The following PTPN13 variants were observed in gnomAD, a reference collection of about 807,000 sequenced individuals.
PTPN13 encodes tyrosine-protein phosphatase non-receptor type 13.
PTPN13 carries 191 observed loss-of-function variants against 284.0 expected under a neutral mutation model. The observed-to-expected ratio is 0.67, with a 90% CI of 0.60 to 0.76. PTPN13 has a LOEUF of 0.76. PTPN13 is among the 30% of genes least tolerant of loss of function. The pLI, the probability that PTPN13 is intolerant of heterozygous loss-of-function variation, is 0.00. For missense variants in PTPN13, 2,797 were observed against 2,939.9 expected (o/e 0.95, Z 1.12); for synonymous variants, 986 against 1,022.3 (o/e 0.96, Z 0.68).
At chr4:86,721,533 G>A (rs1680796592) in intron 9 of PTPN13, among the ~76,000 whole-genome samples, 1 of 152,116 alleles carries the variant, frequency 6.6e-6, no homozygotes, top group Non-Finnish European at 1.5e-5. Flanking sequence ...AGAACGGGGA[G>A]TAATGTCCAA....
chr4:86,733,157 A>G (rs1249752381), intron 12 of PTPN13, among the ~76,000 whole-genome samples: 1 of 152,080 alleles, frequency 6.6e-6, no homozygotes, highest in African/African-American at 2.4e-5. Flanking sequence ...CTACTATCCT[A>G]AAATCACAGT....
At chr4:86,805,575 A>T (rs1265530999) in intron 44 of PTPN13, among the ~76,000 whole-genome samples, 4 of 152,182 alleles carry the variant, frequency 2.6e-5, no homozygotes, top group African/African-American at 9.6e-5. Flanking sequence ...AGTTAGAGGA[A>T]CCTGAAATAT....
At chr4:86,640,992 G>A (rs1723720715) in intron 2 of PTPN13, among the ~76,000 whole-genome samples, 1 of 152,026 alleles carries the variant, frequency 6.6e-6, no homozygotes, top group South Asian at 2.1e-4. Flanking sequence ...TGTTATGATT[G>A]CTAATTGGAA....
intron 2 of PTPN13, among the ~76,000 whole-genome samples, chr4:86,644,075 C>G (rs1388761748): frequency 6.6e-6 from 1 of 151,280 alleles, no homozygotes; most frequent in East Asian, 1.9e-4. Context: ...ATACAAACAG[C>G]TCACTCAAGA....
chr4:86,641,340 T>G (rs1043921288), intron 2 of PTPN13, among the ~76,000 whole-genome samples: 2 of 152,140 alleles, frequency 1.3e-5, no homozygotes. Flanking sequence ...CTTTTCCCCC[T>G]TATCATCTTG....
intron 2 of PTPN13, among the ~76,000 whole-genome samples, chr4:86,655,235 A>C (rs1424503735): frequency 6.6e-6 from 1 of 152,116 alleles, no homozygotes; most frequent in Non-Finnish European, 1.5e-5. Context: ...TATTTAGCCC[A>C]TTTACATTTA....
chr4:86,611,123 C>T (rs1423703321), intron 1 of PTPN13, among the ~76,000 whole-genome samples: 1 of 152,104 alleles, frequency 6.6e-6, no homozygotes, highest in Non-Finnish European at 1.5e-5. Context: ...CAGTATCTCC[C>T]TGCTTCTCCC....
chr4:86,650,615 T>G (rs919504985), intron 2 of PTPN13, among the ~76,000 whole-genome samples: 4 of 152,226 alleles, frequency 2.6e-5, no homozygotes, highest in Admixed American at 2.0e-4. Flanking sequence ...TTTTATAGTT[T>G]TAATTGTAGA....
chr4:86,802,481 A>G (rs899985783), intron 42 of PTPN13, among the ~76,000 whole-genome samples: 9 of 152,146 alleles, frequency 5.9e-5, no homozygotes, highest in African/African-American at 2.2e-4. Context: ...AGTCAAGAGA[A>G]GCAAAAAGAA....
Position 86,809,933 on chromosome 4 carries a change from G to A in PTPN13, c.7248G>A (p.Gly2416=), listed in dbSNP as rs1401238705. The change falls in exon 46 of 48, where the codon GGG becomes GGA. Residue 2416 remains glycine, a synonymous_variant. Coordinates refer to ENST00000411767, the MANE Select transcript of PTPN13 (RefSeq NM_080683.3). ...THCSAGIGRS[G]TLICIDVVLG... is the part of the protein sequence containing the mutation. ...GCAGTGCTGGCATTGGACGTTCAGG[G>A]ACCCTGATTTGCATAGATGTGGTTC... 6.2e-7 allele frequency: 1 copy of A among 1,613,904 alleles called. No homozygotes were observed. The highest frequency in any genetic ancestry group is 1.3e-5 in the African/African-American group (1 of 75,042).
intron 37 of PTPN13, 30 bp downstream of exon 37, chr4:86,782,292 A>T (rs772641198): frequency 6.5e-7 from 1 of 1,530,214 alleles, no homozygotes. Flanking sequence ...CTTTCATGTC[A>T]TACCTCCTTA....
chr4:86,811,182 A>G (rs1745182902), intron 47 of PTPN13, 74 bp downstream of exon 47: 4 of 1,398,154 alleles, frequency 2.9e-6, no homozygotes, highest in Admixed American at 2.2e-5. Flanking sequence ...TTATTAAACC[A>G]TTTTTCTTTT....
chr4:86,693,411 C>G (rs547395711), intron 5 of PTPN13, among the ~76,000 whole-genome samples, 176 bp from the exon 6 acceptor site: 1 of 152,144 alleles, frequency 6.6e-6, no homozygotes, highest in Non-Finnish European at 1.5e-5. Context: ...CACTGGTCTA[C>G]ATAAATCTTA....
At chr4:86,762,638 C>A in intron 23 of PTPN13, 89 bp from the exon 24 acceptor site, 1 of 1,042,032 alleles carries the variant, frequency 9.6e-7, no homozygotes, top group Non-Finnish European at 1.4e-6. Context: ...TTATAAAATC[C>A]TTCCAACAAT....
At chr4:86,730,010 T>C (rs1333371433) in intron 10 of PTPN13, among the ~76,000 whole-genome samples, 4 of 149,604 alleles carry the variant, frequency 2.7e-5, no homozygotes, top group African/African-American at 9.7e-5. Flanking sequence ...TGGGGTTTGG[T>C]GTAGATGTCC....
At chr4:86,745,970 C>T (rs1342066657) in intron 17 of PTPN13, among the ~76,000 whole-genome samples, 1 of 151,982 alleles carries the variant, frequency 6.6e-6, no homozygotes, top group Non-Finnish European at 1.5e-5. Context: ...ACACAGGAAA[C>T]AAGGCAGAGG....
At chr4:86,716,386 C>G in intron 7 of PTPN13, 144 bp from the exon 8 acceptor site, 1 of 580,292 alleles carries the variant, frequency 1.7e-6, no homozygotes, top group South Asian at 2.2e-5. Flanking sequence ...TATTGGAACG[C>G]ATTATTTGAA....
At chr4:86,693,468 C>T (rs1730247108) in intron 5 of PTPN13, 119 bp from the exon 6 acceptor site, 1 of 546,186 alleles carries the variant, frequency 1.8e-6, no homozygotes. Flanking sequence ...CATAGAGTCT[C>T]ATTATTTAAT....
In PTPN13 at chr4:86,809,876, C is replaced by A; in HGVS notation, c.7191C>A (p.His2397Gln). 2.5e-6 allele frequency: 4 copies of A among 1,614,014 alleles called. No individual in the cohort carries two copies. Among genetic ancestry groups the A allele is most frequent in the Non-Finnish European group, 3.4e-6 (4 of 1,179,876 alleles). Residue 2397 changes from histidine (H) to glutamine (Q), a missense_variant, in exon 46 of 48, where the codon CAC becomes CAA. Physicochemically the swap from His to Gln is conservative, Grantham distance 24. Transcript: ENST00000411767. ...DLLTFISYMR[H>Q]IHRSGPIITH... ...TTACTTTTATCTCCTACATGAGACA[C>A]ATCCACAGATCAGGCCCAATCATTA...
Sources: gnomAD v4.1 joint callset for allele counts (sites outside exome capture counted in the v4.1 genomes callset) on GRCh38, gnomAD v4.1.1 for gene constraint, MANE v1.5 for transcripts, NCBI Gene and HGNC (gene_info 2026-07-23, HGNC 2026-07-21) for gene names.